ARHGEF3: variants seen among roughly 807,000 people sequenced by gnomAD.
ARHGEF3 encodes Rho guanine nucleotide exchange factor 3.
In ARHGEF3, 28 loss-of-function variants were observed where a neutral mutation model predicts 63.2. That is an observed-to-expected ratio of 0.44 (90% confidence interval 0.33 to 0.61). The LOEUF (loss-of-function observed/expected upper bound fraction) is 0.61. ARHGEF3 is among the 20% of genes least tolerant of loss of function. ARHGEF3 has a pLI of 0.03. For synonymous variants in ARHGEF3, 266 were observed against 254.2 expected, an observed-to-expected ratio of 1.05 and a Z score of -0.44; for missense variants, 533 against 659.3, an observed-to-expected ratio of 0.81 and a Z score of 2.10.
intron 2 of ARHGEF3, among the ~76,000 whole-genome samples, chr3:57,014,094 A>G (rs7375102): frequency 0.24 from 37,165 of 152,060 alleles, 5,075 homozygotes; most frequent in Middle Eastern, 0.31. Context: ...ACCCGCCAGG[A>G]GGAACGAACA....
intron 2 of ARHGEF3, among the ~76,000 whole-genome samples, chr3:56,996,883 TATTATTA>T (rs1306096832): frequency 1.5e-4 from 17 of 110,154 alleles, no homozygotes; most frequent in African/African-American, 5.1e-4. Flanking sequence ...TTATTATTAT[TATTATTA>T]TTTTTTTTTT....
At chr3:56,885,900 A>C (rs2040909610) in intron 3 of ARHGEF3, among the ~76,000 whole-genome samples, 1 of 152,202 alleles carries the variant, frequency 6.6e-6, no homozygotes, top group South Asian at 2.1e-4. Flanking sequence ...CTGAAGTTTA[A>C]ACTCTGGGCT....
chr3:56,807,894 C>T (rs538480990), intron 4 of ARHGEF3, among the ~76,000 whole-genome samples: 4 of 152,092 alleles, frequency 2.6e-5, no homozygotes, highest in African/African-American at 7.2e-5. Context: ...GAGGCCAAGG[C>T]GGGTGGATCG....
intron 4 of ARHGEF3, among the ~76,000 whole-genome samples, chr3:56,815,114 A>G (rs1381106117): frequency 5.9e-5 from 9 of 151,932 alleles, no homozygotes; most frequent in African/African-American, 1.2e-4. Flanking sequence ...ACTGCATTCC[A>G]GCTTGGGCAA....
intron 4 of ARHGEF3, among the ~76,000 whole-genome samples, chr3:56,877,335 T>G (rs764582702): frequency 2.0e-5 from 3 of 152,038 alleles, no homozygotes; most frequent in Non-Finnish European, 4.4e-5. Flanking sequence ...CATAATATAG[T>G]AAGTGAAAAA....
In ARHGEF3 at chr3:57,033,746, A is replaced by G. The variant is rs142341744; in HGVS notation, c.62+1342T>C. Reference sequence around the variant, plus strand: ...AAGGAAAATCTATTTATTTATTTATAAATAAAATTAATTTTAGGCTGGGCG... The same window carrying G: ...AAGGAAAATCTATTTATTTATTTATGAATAAAATTAATTTTAGGCTGGGCG... On this transcript the variant is annotated intron_variant, in intron 2 of 12. Transcript: ENST00000338458. Among the ~76,000 whole-genome samples, 69 of 152,194 alleles carry G rather than the reference A, an allele frequency of 4.5e-4. 1 individual carries two copies. The highest frequency in any genetic ancestry group is 1.5e-3 in the African/African-American group (63 of 41,548).
intron 2 of ARHGEF3, chr3:56,958,960 G>C: frequency 1.4e-6 from 2 of 1,448,108 alleles, no homozygotes; most frequent in Non-Finnish European, 1.9e-6. Flanking sequence ...GCTTTCAAAT[G>C]CAGGTTTATC....
chr3:56,728,977 C>T lies in ARHGEF3; in HGVS notation c.*293G>A, dbSNP rs1391851615. On this transcript the variant is annotated 3_prime_UTR_variant, in exon 10 of 10. Coordinates refer to ENST00000296315, the MANE Select transcript of ARHGEF3 (RefSeq NM_019555.3). ...AAACAGTAGTTTTGAGATTCTTTTTCTATTTTTTTAAAATCCAGCAGGACA... is the reference window on the plus strand; with the variant it reads ...AAACAGTAGTTTTGAGATTCTTTTTTTATTTTTTTAAAATCCAGCAGGACA... 3.4e-6 allele frequency: 1 copy of T among 297,672 alleles called. No individual in the cohort carries two copies. Among genetic ancestry groups the T allele is most frequent in the East Asian group, 6.8e-5 (1 of 14,774 alleles). The allele number at this position is 297,672 out of a possible 1,614,324, so 18.4% of individuals were successfully genotyped here.
At chr3:56,957,905 C>T (rs144573218) in intron 3 of ARHGEF3, among the ~76,000 whole-genome samples, 1 of 152,304 alleles carries the variant, frequency 6.6e-6, no homozygotes, top group African/African-American at 2.4e-5. Context: ...ACAGCAGGAC[C>T]TCCATACACT....
intron 3 of ARHGEF3, among the ~76,000 whole-genome samples, chr3:56,934,518 G>C (rs2042498480): frequency 6.6e-6 from 1 of 152,208 alleles, no homozygotes; most frequent in African/African-American, 2.4e-5. Context: ...GGGCCAGCTG[G>C]AGTTCCGGGT....
intron 2 of ARHGEF3, among the ~76,000 whole-genome samples, chr3:56,758,505 G>A (rs923738871): frequency 1.3e-5 from 2 of 152,120 alleles, no homozygotes; most frequent in African/African-American, 4.8e-5. Context: ...AAGAGCTTCA[G>A]GGTATTACCA....
At position 56,794,543 on chromosome 3, in the gene ARHGEF3, C is replaced by T. The variant is rs930101375; in HGVS notation, c.96+7160G>A. Among the ~76,000 whole-genome samples the T allele has an allele frequency of 4.1e-5, 6 of 147,844 alleles. No individual in the cohort carries two copies. The South Asian group carries it at 1.1e-3, about 27-fold the overall frequency. On this transcript the variant is annotated intron_variant, in intron 1 of 9. Transcript: ENST00000296315. Reference sequence around the variant, plus strand: ...TATTACTGAACATTGCTGCAGGAAGCAATGTTACAACTAAGAAAGGATTTT... The same window carrying T: ...TATTACTGAACATTGCTGCAGGAAGTAATGTTACAACTAAGAAAGGATTTT...
intron 2 of ARHGEF3, among the ~76,000 whole-genome samples, chr3:56,766,967 T>G (rs1372089107): frequency 6.6e-6 from 1 of 152,192 alleles, no homozygotes; most frequent in African/African-American, 2.4e-5. Flanking sequence ...GGAGAGTGAT[T>G]AACTCAACTG....
At chr3:57,054,267 C>T (rs1412009088) in intron 1 of ARHGEF3, among the ~76,000 whole-genome samples, 1 of 152,010 alleles carries the variant, frequency 6.6e-6, no homozygotes, top group South Asian at 2.1e-4. Flanking sequence ...AGCATCTTTC[C>T]AAATGTTTTT....
intron 8 of ARHGEF3, among the ~76,000 whole-genome samples, chr3:56,736,304 T>C (rs903697004): frequency 1.3e-5 from 2 of 152,182 alleles, no homozygotes; most frequent in African/African-American, 4.8e-5. Context: ...TGCAAATCAC[T>C]ATATTAAGTG....
intron 1 of ARHGEF3, among the ~76,000 whole-genome samples, chr3:57,040,260 G>A (rs111602982): frequency 2.1e-3 from 326 of 152,190 alleles, no homozygotes; most frequent in African/African-American, 7.5e-3. Flanking sequence ...GGTGGATCAC[G>A]AGGTCAGGAC....
intron 2 of ARHGEF3, among the ~76,000 whole-genome samples, chr3:56,983,076 T>A (rs758216382): frequency 3.3e-5 from 5 of 152,186 alleles, no homozygotes; most frequent in Non-Finnish European, 7.4e-5. Flanking sequence ...TAATTTAACT[T>A]CTAAGTTAAA....
chr3:57,026,890 G>T (rs1195409822), intron 2 of ARHGEF3, among the ~76,000 whole-genome samples: 1 of 152,192 alleles, frequency 6.6e-6, no homozygotes, highest in Non-Finnish European at 1.5e-5. Context: ...ACTGTAAGCT[G>T]CTTGAAGGCA....
chr3:56,777,537 A>G (rs2107857335), intron 1 of ARHGEF3, among the ~76,000 whole-genome samples: 1 of 151,838 alleles, frequency 6.6e-6, no homozygotes, highest in East Asian at 1.9e-4. Flanking sequence ...TCTTCCCCTC[A>G]ACAGGTAAAA....
Sources: allele counts gnomAD v4.1 joint callset (sites outside exome capture counted in the v4.1 genomes callset), GRCh38; gene constraint gnomAD v4.1.1; transcripts MANE v1.5; gene names NCBI Gene and HGNC (gene_info 2026-07-23, HGNC 2026-07-21).